The following LAMA3 variants were observed in gnomAD, a reference collection of about 807,000 sequenced individuals.
The protein encoded by LAMA3 is laminin subunit alpha 3.
LAMA3 carries 281 observed loss-of-function variants against 402.0 expected under a neutral mutation model. The observed-to-expected ratio is 0.70, with a 90% CI of 0.63 to 0.77. The LOEUF is 0.77. Ranked by LOEUF, LAMA3 falls within the 30% of genes least tolerant of loss-of-function variation. LAMA3 has a pLI of 0.00. For missense variants in LAMA3, 3,840 were observed against 4,215.5 expected (o/e 0.91, Z 2.47); for synonymous variants, 1,431 against 1,558.4 (o/e 0.92, Z 1.93).
At chr18:23,894,429 C>A in intron 43 of LAMA3, 81 bp downstream of exon 43, 1 of 1,235,992 alleles carries the variant, frequency 8.1e-7, no homozygotes, top group Non-Finnish European at 1.2e-6. Context: ...CTGGGTCATG[C>A]AGTTTCCAGT....
At chr18:23,932,404 C>G in intron 66 of LAMA3, 113 bp downstream of exon 66, 1 of 1,156,580 alleles carries the variant, frequency 8.6e-7, no homozygotes, top group East Asian at 2.4e-5. Flanking sequence ...GCACGAGACC[C>G]GCATACCACA....
chr18:23,740,477 A>C (rs900307479), intron 2 of LAMA3, among the ~76,000 whole-genome samples: 2 of 151,918 alleles, frequency 1.3e-5, no homozygotes, highest in African/African-American at 4.8e-5. Context: ...CCAAATCTTT[A>C]GACTGAGTTT....
chr18:23,713,829 C>A, intron 1 of LAMA3, 91 bp from the exon 2 acceptor site: 1 of 1,129,900 alleles, frequency 8.9e-7, no homozygotes, highest in South Asian at 1.4e-5. Context: ...TTGTTTGGTT[C>A]CCTGTATTTG....
chr18:23,777,265 A>G (rs559955332), intron 10 of LAMA3, among the ~76,000 whole-genome samples: 77 of 150,356 alleles, frequency 5.1e-4, no homozygotes, highest in Admixed American at 1.1e-3. Flanking sequence ...AAAAAAAAAC[A>G]ATAAAAAAGC....
Position 23,921,046 on chromosome 18 carries a change from G to C in LAMA3, c.8035G>C (p.Asp2679His). 6.2e-7 allele frequency: 1 copy of C among 1,614,054 alleles called. No individual in the cohort carries two copies. Among genetic ancestry groups the C allele is most frequent in the Admixed American group, 1.7e-5 (1 of 60,032 alleles). The change falls in exon 61 of 75, where the codon GAC becomes CAC. Residue 2679 changes from aspartate to histidine, a missense_variant. Around this residue, in one of 3 missense-constraint regions of LAMA3, gnomAD observed 840 missense variants for 981.9 expected, o/e 0.86. Transcript: ENST00000313654. ...GVGDAINNGR[D>H]HSIQIKIGKL... ...TGGAGACGCCATAAACAACGGCAGA[G>C]ACCATTCGGTACACCTTTTGAGTCT...
chr18:23,898,346 A>T (rs992775944), intron 44 of LAMA3: 2 of 196,068 alleles, frequency 1.0e-5, no homozygotes, highest in African/African-American at 4.8e-5. Flanking sequence ...ATAGATTCTT[A>T]ATGATTCCTT....
At chr18:23,744,873 A>C (rs555896246) in intron 2 of LAMA3, among the ~76,000 whole-genome samples, 19 of 151,718 alleles carry the variant, frequency 1.3e-4, no homozygotes, top group African/African-American at 4.6e-4. Context: ...CGTTACCTAG[A>C]AACAAGATGA....
At chr18:23,939,483 T>C (rs1388959681) in intron 68 of LAMA3, 97 bp downstream of exon 68, 31 of 1,301,930 alleles carry the variant, frequency 2.4e-5, no homozygotes, top group Non-Finnish European at 1.4e-5. Flanking sequence ...TGCAGCTCTC[T>C]CTAATGAAGG....
At chr18:23,876,543 T>C (rs1479220167) in intron 39 of LAMA3, 136 bp downstream of exon 39, 9 of 644,580 alleles carry the variant, frequency 1.4e-5, no homozygotes, top group Non-Finnish European at 2.5e-5. Context: ...TATATGAGGC[T>C]CCATTATCAG....
chr18:23,789,745 A>G (rs1278063086), intron 12 of LAMA3, among the ~76,000 whole-genome samples: 2 of 152,204 alleles, frequency 1.3e-5, no homozygotes, highest in African/African-American at 4.8e-5. Context: ...TTGTTCCAAA[A>G]GTTGCACAAC....
At chr18:23,741,079 G>C (rs1385686963) in intron 2 of LAMA3, among the ~76,000 whole-genome samples, 2 of 151,532 alleles carry the variant, frequency 1.3e-5, no homozygotes, top group Non-Finnish European at 2.9e-5. Context: ...TCAGCCTCCC[G>C]AGTAGCTGGG....
In LAMA3 at chr18:23,844,813, C is replaced by G. The variant is rs540844206; in HGVS notation, c.3604-196C>G. Among the ~76,000 whole-genome samples the G allele has an allele frequency of 9.2e-5, 14 of 152,208 alleles. No individual in the cohort carries two copies. The South Asian group carries it at 2.3e-3, about 25-fold the overall frequency. On this transcript the variant is annotated intron_variant, in intron 29 of 74. Coordinates refer to ENST00000313654, the MANE Select transcript of LAMA3 (RefSeq NM_198129.4). ...TTGAGCATCCCTAATTCAAAAATCC[C>G]AAATCCAAAATGCTCCAGTGAGCAT... is the stretch of plus-strand genomic sequence containing the variant.
chr18:23,945,061 A>T (rs753035846), intron 69 of LAMA3, among the ~76,000 whole-genome samples: 3 of 151,774 alleles, frequency 2.0e-5, no homozygotes, highest in Non-Finnish European at 4.4e-5. Context: ...TGAACTCAGG[A>T]GGTGGAGGTT....
At chr18:23,897,564 T>C (rs578050994) in intron 44 of LAMA3, among the ~76,000 whole-genome samples, 2 of 152,272 alleles carry the variant, frequency 1.3e-5, no homozygotes, top group East Asian at 1.9e-4. Context: ...TTGTTCTCAT[T>C]AAACAGGCAT....
chr18:23,730,974 T>C (rs949877548), intron 2 of LAMA3, among the ~76,000 whole-genome samples: 2 of 152,206 alleles, frequency 1.3e-5, no homozygotes, highest in Admixed American at 1.3e-4. Flanking sequence ...TTTTTCTAAG[T>C]GGATTGTTAC....
intron 2 of LAMA3, among the ~76,000 whole-genome samples, chr18:23,715,529 A>G (rs1006504299): frequency 6.6e-6 from 1 of 152,208 alleles, no homozygotes; most frequent in Non-Finnish European, 1.5e-5. Context: ...ACAGAAATCA[A>G]TTTTAAGAGT....
chr18:23,833,260 C>T (rs1016473463), intron 23 of LAMA3, among the ~76,000 whole-genome samples: 5 of 152,224 alleles, frequency 3.3e-5, no homozygotes, highest in South Asian at 4.2e-4. Context: ...TGAAACAAAA[C>T]GTGTGTGCAT....
Position 23,750,951 on chromosome 18 carries a change from G to A in LAMA3, c.718G>A (p.Ala240Thr). The stretch of plus-strand genomic sequence containing the variant: ...GTCCTTGATAAACGGTCGTCCAGGT[G>A]CAAAAAATTTTACTTTCTCTCACAC... ...VVSLINGRPG[A>T]KNFTFSHTLR... Residue 240 changes from alanine (A) to threonine (T), a missense_variant, in exon 5 of 75, where the codon GCA becomes ACA. By Grantham distance (58) the Ala-to-Thr change is moderately conservative. This residue lies in a region of LAMA3 where 2,109 missense variants were observed against 2,376.0 expected (regional missense o/e 0.89). Transcript: ENST00000313654. 5 of 1,614,036 alleles carry A rather than the reference G, an allele frequency of 3.1e-6. No homozygotes were observed. Among genetic ancestry groups the A allele is most frequent in the Non-Finnish European group, 4.2e-6 (5 of 1,180,002 alleles).
At chr18:23,858,133 C>A in intron 33 of LAMA3, 145 bp downstream of exon 33, 1 of 1,045,514 alleles carries the variant, frequency 9.6e-7, no homozygotes, top group Non-Finnish European at 1.4e-6. Context: ...TAGTCACGAT[C>A]TCATTTTACA....
Sources: allele counts gnomAD v4.1 joint callset (sites outside exome capture counted in the v4.1 genomes callset), GRCh38; gene constraint gnomAD v4.1.1; regional missense constraint gnomAD v4.1.1; transcripts MANE v1.5; gene names NCBI Gene and HGNC (gene_info 2026-07-23, HGNC 2026-07-21).